The following MCC variants were observed in gnomAD, a reference collection of about 807,000 sequenced individuals.
MCC encodes the protein colorectal mutant cancer protein.
MCC carries 90 observed loss-of-function variants against 116.2 expected under a neutral mutation model. The observed-to-expected ratio is 0.77, with a 90% CI of 0.65 to 0.92. The LOEUF (loss-of-function observed/expected upper bound fraction) is 0.92, where lower values mean the gene tolerates loss of function less well. Ranked by LOEUF, MCC falls within the 40% of genes least tolerant of loss-of-function variation. The pLI is 0.00. For synonymous variants in MCC, 578 were observed against 510.5 expected (o/e 1.13, Z -1.78); for missense variants, 1,516 against 1,312.2 (o/e 1.16, Z -2.40).
intron 1 of MCC, among the ~76,000 whole-genome samples, chr5:113,447,844 G>A (rs553689326): frequency 1.1e-5 from 1 of 89,740 alleles, no homozygotes; most frequent in Non-Finnish European, 2.5e-5. Flanking sequence ...GCCACAGGGC[G>A]GCCCACCGAG....
chr5:113,123,603 C>T (rs1757859129), intron 5 of MCC, among the ~76,000 whole-genome samples: 1 of 152,214 alleles, frequency 6.6e-6, no homozygotes, highest in Non-Finnish European at 1.5e-5. Flanking sequence ...CTTCACTGTA[C>T]TATTAGCAAG....
chr5:113,059,548 G>T (rs891845601), intron 14 of MCC, among the ~76,000 whole-genome samples: 1 of 152,194 alleles, frequency 6.6e-6, no homozygotes, highest in Non-Finnish European at 1.5e-5. Flanking sequence ...ACTTTCTGTG[G>T]CTGCATTATT....
intron 3 of MCC, among the ~76,000 whole-genome samples, chr5:113,186,980 T>C (rs540060843): frequency 2.2e-4 from 34 of 152,204 alleles, no homozygotes; most frequent in Admixed American, 1.3e-3. Flanking sequence ...CAACAATAAT[T>C]ATCTGGCAGA....
At chr5:113,347,729 A>G (rs1768168774) in intron 2 of MCC, among the ~76,000 whole-genome samples, 1 of 152,180 alleles carries the variant, frequency 6.6e-6, no homozygotes, top group South Asian at 2.1e-4. Context: ...CTTACTTACC[A>G]ATAACAACAT....
chr5:113,044,594 G>T, intron 16 of MCC: 2 of 534,742 alleles, frequency 3.7e-6, no homozygotes, highest in Non-Finnish European at 4.8e-6. Flanking sequence ...TGTTTTTTGA[G>T]ATGGAGTTTT....
chr5:113,143,129 C>T, intron 5 of MCC, 89 bp downstream of exon 5: 1 of 1,400,540 alleles, frequency 7.1e-7, no homozygotes, highest in Admixed American at 2.6e-5. Context: ...GAACTTCGGT[C>T]TTGGAGTTAA....
chr5:113,155,204 A>G (rs1230135165), intron 3 of MCC, among the ~76,000 whole-genome samples: 1 of 152,180 alleles, frequency 6.6e-6, no homozygotes, highest in African/African-American at 2.4e-5. Flanking sequence ...ACTGCTGCAA[A>G]TGACAGGATT....
intron 13 of MCC, among the ~76,000 whole-genome samples, chr5:113,066,095 T>C (rs1280535641): frequency 6.6e-6 from 1 of 152,248 alleles, no homozygotes; most frequent in East Asian, 1.9e-4. Flanking sequence ...AATGTATACA[T>C]GAACTTCCCA....
intron 3 of MCC, among the ~76,000 whole-genome samples, chr5:113,169,657 C>T (rs1387653405): frequency 6.6e-6 from 1 of 152,128 alleles, no homozygotes; most frequent in Non-Finnish European, 1.5e-5. Flanking sequence ...CATGGGGAGA[C>T]ACAAGGGTAG....
chr5:113,413,495 C>G (rs934476171), intron 1 of MCC, among the ~76,000 whole-genome samples: 6 of 152,132 alleles, frequency 3.9e-5, no homozygotes, highest in Admixed American at 3.9e-4. Context: ...CTGGTTTAGT[C>G]TTGGGAAGGT....
chr5:113,302,212 G>A (rs1426803460), intron 3 of MCC, among the ~76,000 whole-genome samples: 1 of 152,016 alleles, frequency 6.6e-6, no homozygotes, highest in African/African-American at 2.4e-5. Context: ...CACCTACAGA[G>A]CCACCTTAGC....
intron 3 of MCC, among the ~76,000 whole-genome samples, chr5:113,326,626 A>G (rs1767559840): frequency 6.6e-6 from 1 of 152,228 alleles, no homozygotes; most frequent in South Asian, 2.1e-4. Context: ...TTTGGAGGGG[A>G]CATATTCAAC....
At chr5:113,472,050 G>A (rs1324006074) in intron 1 of MCC, among the ~76,000 whole-genome samples, 1 of 152,132 alleles carries the variant, frequency 6.6e-6, no homozygotes, top group Admixed American at 6.6e-5. Flanking sequence ...GATTTTCCAG[G>A]TGCCGTCTGT....
intron 3 of MCC, among the ~76,000 whole-genome samples, chr5:113,248,663 T>A (rs112135055): frequency 6.6e-6 from 1 of 152,166 alleles, no homozygotes; most frequent in East Asian, 1.9e-4. Flanking sequence ...GTCTGGTTCG[T>A]CCAACATATT....
At chr5:113,366,546 T>C (rs920633232) in intron 2 of MCC, among the ~76,000 whole-genome samples, 1 of 152,200 alleles carries the variant, frequency 6.6e-6, no homozygotes, top group East Asian at 1.9e-4. Context: ...TCTAGGCTTC[T>C]AGATTTTTTA....
chr5:113,158,332 T>C (rs1760289981), intron 3 of MCC, among the ~76,000 whole-genome samples: 1 of 152,240 alleles, frequency 6.6e-6, no homozygotes, highest in African/African-American at 2.4e-5. Flanking sequence ...CCAGTGACAA[T>C]GGGTAGTGCC....
chr5:113,456,484 C>T (rs1771549950), intron 1 of MCC, among the ~76,000 whole-genome samples: 1 of 151,742 alleles, frequency 6.6e-6, no homozygotes, highest in Non-Finnish European at 1.5e-5. Context: ...TGAGACAGAG[C>T]CTCGCTCTGT....
intron 1 of MCC, among the ~76,000 whole-genome samples, chr5:113,390,535 A>G (rs949188848): frequency 6.6e-6 from 1 of 152,222 alleles, no homozygotes; most frequent in Non-Finnish European, 1.5e-5. Flanking sequence ...TTTTCTATAT[A>G]TAAAAGTCTT....
intron 3 of MCC, among the ~76,000 whole-genome samples, chr5:113,302,606 A>G (rs1325467483): frequency 6.6e-6 from 1 of 152,220 alleles, no homozygotes; most frequent in African/African-American, 2.4e-5. Flanking sequence ...TTTTAGAGAT[A>G]TATTAAAATA....
Sources: allele counts gnomAD v4.1 joint callset (sites outside exome capture counted in the v4.1 genomes callset), GRCh38; gene constraint gnomAD v4.1.1; transcripts MANE v1.5; gene names NCBI Gene and HGNC (gene_info 2026-07-23, HGNC 2026-07-21).